Variants in SLC5A4 observed in about 807,000 individuals in gnomAD.
The protein encoded by SLC5A4 is probable glucose sensor protein SLC5A4.
SLC5A4 carries 55 observed loss-of-function variants against 70.3 expected under a neutral mutation model. The ratio of observed to expected loss-of-function variants is 0.78; its 90% CI spans 0.63 to 0.98. The LOEUF is 0.98. Among genes scored for constraint, SLC5A4 ranks in the 50% least tolerant of loss-of-function variants. SLC5A4 has a pLI of 0.00. For synonymous variants in SLC5A4, 268 were observed against 305.7 expected, an observed-to-expected ratio of 0.88 and a Z score of 1.29; for missense variants, 735 against 839.2, an observed-to-expected ratio of 0.88 and a Z score of 1.53.
intron 11 of SLC5A4, among the ~76,000 whole-genome samples, chr22:32,227,618 T>C (rs947807076): frequency 2.0e-5 from 3 of 152,206 alleles, no homozygotes; most frequent in African/African-American, 7.2e-5. Flanking sequence ...CACGGTTGAA[T>C]GTTGCAAACA....
the SLC5A4 span, among the ~76,000 whole-genome samples, chr22:32,341,165 G>A: frequency 1.3e-5 from 2 of 152,118 alleles, no homozygotes; most frequent in Non-Finnish European, 2.9e-5. Context: ...AGCTAGTCTG[G>A]ATTCAAGGGA....
chr22:32,305,310 G>GCC, the SLC5A4 span, among the ~76,000 whole-genome samples: 1 of 130,280 alleles, frequency 7.7e-6, no homozygotes. Flanking sequence ...TCCCGGGCTT[G>GCC]TAGTCTCTCT....
the SLC5A4 span, among the ~76,000 whole-genome samples, chr22:32,309,942 A>C: frequency 1.3e-5 from 2 of 151,192 alleles, no homozygotes; most frequent in Admixed American, 1.3e-4. Flanking sequence ...CTTGCCACAG[A>C]ATGTTCCAGT....
chr22:32,326,814 A>G, the SLC5A4 span, among the ~76,000 whole-genome samples: 12 of 152,168 alleles, frequency 7.9e-5, no homozygotes, highest in Non-Finnish European at 1.3e-4. Context: ...CCTAAGTGAG[A>G]AAGGCAGGAG....
At chr22:32,307,710 T>A in the SLC5A4 span, among the ~76,000 whole-genome samples, 6 of 152,210 alleles carry the variant, frequency 3.9e-5, no homozygotes, top group Non-Finnish European at 8.8e-5. Context: ...TAGGGCACTG[T>A]GCCTGGCATC....
At chr22:32,333,680 G>A in the SLC5A4 span, among the ~76,000 whole-genome samples, 1 of 151,918 alleles carries the variant, frequency 6.6e-6, no homozygotes, top group East Asian at 1.9e-4. Context: ...CCCTGATGCT[G>A]GGGCTGCTTC....
chr22:32,267,997 G>A, the SLC5A4 span, among the ~76,000 whole-genome samples: 2 of 152,112 alleles, frequency 1.3e-5, no homozygotes, highest in Middle Eastern at 3.2e-3. Context: ...GGTGGTGGGC[G>A]CCTGTAGTCC....
At chr22:32,239,518 T>TTTTATA (rs1455543266) in intron 5 of SLC5A4, among the ~76,000 whole-genome samples, 22 of 25,218 alleles carry the variant, frequency 8.7e-4, no homozygotes, top group Admixed American at 1.8e-3. Context: ...GGAGTGCATA[T>TTTTATA]TATATATATA....
At chr22:32,334,008 A>G in the SLC5A4 span, among the ~76,000 whole-genome samples, 1 of 149,360 alleles carries the variant, frequency 6.7e-6, no homozygotes, top group Non-Finnish European at 1.5e-5. Context: ...TACACACACT[A>G]CACCATGCCA....
chr22:32,347,328 C>T, the SLC5A4 span, among the ~76,000 whole-genome samples: 1 of 152,080 alleles, frequency 6.6e-6, no homozygotes, highest in Non-Finnish European at 1.5e-5. Flanking sequence ...CTAGAAATAC[C>T]ATTTGACCCA....
the SLC5A4 span, among the ~76,000 whole-genome samples, chr22:32,324,224 T>C: frequency 6.6e-6 from 1 of 151,708 alleles, no homozygotes; most frequent in Non-Finnish European, 1.5e-5. Flanking sequence ...TATATATACA[T>C]ATATGTGTAT....
chr22:32,310,511 C>CAT, the SLC5A4 span, among the ~76,000 whole-genome samples: 87,382 of 152,012 alleles, frequency 0.57, 25,198 homozygotes, highest in East Asian at 0.66. Flanking sequence ...CAACATGGGC[C>CAT]TGGGGGGTGC....
intron 13 of SLC5A4, 78 bp downstream of exon 13, chr22:32,224,189 G>A (rs1024910569): frequency 3.6e-6 from 4 of 1,116,528 alleles, no homozygotes; most frequent in Non-Finnish European, 5.3e-6. Flanking sequence ...CAAAGTGCTG[G>A]GATTACAGGC....
intron 5 of SLC5A4, 57 bp downstream of exon 5, chr22:32,247,354 T>C: frequency 2.0e-6 from 2 of 982,946 alleles, no homozygotes; most frequent in Non-Finnish European, 3.3e-6. Flanking sequence ...ATATTAGCAC[T>C]CTGGCCCCAT....
In SLC5A4 at chr22:32,255,257, T is replaced by C; in HGVS notation, c.73A>G (p.Asn25Asp). 6.2e-7 allele frequency: 1 copy of C among 1,613,936 alleles called. No homozygotes were observed. Among genetic ancestry groups the C allele is most frequent in the Non-Finnish European group, 8.5e-7 (1 of 1,179,986 alleles). Residue 25 changes from asparagine (N) to aspartate (D), a missense_variant, in exon 1 of 15, where the codon AAT becomes GAT. Coordinates refer to ENST00000266086, the MANE Select transcript of SLC5A4 (RefSeq NM_014227.3). ...EPPPLSDHIR[N>D]AADISVIVIY... The stretch of plus-strand genomic sequence containing the variant: ...ACAATGACTGAGATGTCAGCAGCAT[T>C]TCGGATGTGGTCAGACAATGGAGGT...
the SLC5A4 span, among the ~76,000 whole-genome samples, chr22:32,312,866 A>G: frequency 3.9e-5 from 6 of 152,250 alleles, no homozygotes; most frequent in South Asian, 1.2e-3. Flanking sequence ...TGTCTCCTCA[A>G]TGGGGACTCA....
chr22:32,223,135 T>C (rs1925183546), intron 13 of SLC5A4, among the ~76,000 whole-genome samples: 1 of 152,246 alleles, frequency 6.6e-6, no homozygotes, highest in Non-Finnish European at 1.5e-5. Context: ...AGCTCCCTCA[T>C]GTTTCTAAAC....
rs1165516797 is a variant in SLC5A4, at chr22:32,230,987, C to T, written c.1110G>A (p.Val370=). The T allele has an allele frequency of 5.0e-6, 8 of 1,613,112 alleles. No homozygotes were observed. The highest frequency in any genetic ancestry group is 6.8e-6 in the Non-Finnish European group (8 of 1,179,154). Reference sequence around the variant, plus strand: ...TCCTACCTTGGGGCATCAGTTCCAGCACCATCGTGGGGTATGCGTAGTTGG... The same window carrying T: ...TCCTACCTTGGGGCATCAGTTCCAGTACCATCGTGGGGTATGCGTAGTTGG... ...GCTNYAYPTM[V]LELMPQGLRG... is the part of the protein sequence containing the mutation. Residue 370 remains valine, a synonymous_variant, in exon 10 of 15, where the codon GTG becomes GTA. Coordinates refer to ENST00000266086, the MANE Select transcript of SLC5A4 (RefSeq NM_014227.3).
intron 5 of SLC5A4, among the ~76,000 whole-genome samples, chr22:32,242,295 G>A (rs980636608): frequency 1.3e-5 from 2 of 152,188 alleles, no homozygotes; most frequent in Non-Finnish European, 2.9e-5. Context: ...TACAAGATGA[G>A]TCTGAAACAT....
Sources: allele counts gnomAD v4.1 joint callset (sites outside exome capture counted in the v4.1 genomes callset), GRCh38; gene constraint gnomAD v4.1.1; transcripts MANE v1.5; gene names NCBI Gene and HGNC (gene_info 2026-07-23, HGNC 2026-07-21).